Variants in SEMA7A observed in about 807,000 individuals in gnomAD.
The protein encoded by SEMA7A is semaphorin-7A.
A neutral mutation model predicts 67.5 loss-of-function variants in SEMA7A; 21 were observed. The observed-to-expected ratio is 0.31, with a 90% CI of 0.22 to 0.45. SEMA7A has a LOEUF of 0.45. Ranked by LOEUF, SEMA7A falls within the 20% of genes least tolerant of loss-of-function variation. The pLI, the probability that SEMA7A is intolerant of heterozygous loss-of-function variation, is 1.00. For missense variants in SEMA7A, 774 were observed against 908.6 expected, an observed-to-expected ratio of 0.85 and a Z score of 1.90; for synonymous variants, 364 against 368.5, an observed-to-expected ratio of 0.99 and a Z score of 0.14.
At chr15:74,417,777 G>A (rs757267102) in intron 4 of SEMA7A, 100 bp downstream of exon 4, 74 of 1,544,114 alleles carry the variant, frequency 4.8e-5, no homozygotes, top group Non-Finnish European at 6.4e-5. Flanking sequence ...CCAGGGCAAG[G>A]CCAGCATTGG....
At position 74,411,929 on chromosome 15, in the gene SEMA7A, G is replaced by A. The variant is rs1275157041; in HGVS notation, c.1378C>T (p.Arg460Cys). ...AFNIMEIQPFRRAAAIQTMSL... is the reference protein window; with the variant it reads ...AFNIMEIQPFCRAAAIQTMSL... The stretch of plus-strand genomic sequence containing the variant: ...ATGGTCTGGATGGCAGCCGCGCGGC[G>A]GAAGGGCTGGATCTCCATGATGTTG... The change falls in exon 11 of 14, where the codon CGC becomes TGC. Residue 460 changes from arginine to cysteine, a missense_variant. By Grantham distance (180) the Arg-to-Cys change is radical (BLOSUM62 -3). Coordinates refer to ENST00000261918, the MANE Select transcript of SEMA7A (RefSeq NM_003612.5). The surrounding 1 kb of genome is among the most constrained non-coding windows in gnomAD (Gnocchi z 4.4). 37 of 1,613,926 alleles carry A rather than the reference G, an allele frequency of 2.3e-5. No individual in the cohort carries two copies. Among genetic ancestry groups the A allele is most frequent in the African/African-American group, 4.0e-5 (3 of 74,940 alleles).
intron 1 of SEMA7A, among the ~76,000 whole-genome samples, chr15:74,422,022 G>A (rs1168215886): frequency 6.6e-6 from 1 of 152,182 alleles, no homozygotes; most frequent in Non-Finnish European, 1.5e-5. Context: ...GACGCAACCT[G>A]AGCAAAGGTG....
intron 1 of SEMA7A, among the ~76,000 whole-genome samples, chr15:74,429,591 G>A (rs1002606058): frequency 9.8e-5 from 15 of 152,328 alleles, no homozygotes; most frequent in African/African-American, 2.4e-4. Context: ...GAACTGTGAC[G>A]GGGCTATGGC....
Position 74,418,890 on chromosome 15 carries a change from C to A in SEMA7A, c.241G>T (p.Glu81Ter), listed in dbSNP as rs769545216. The A allele has an allele frequency of 6.2e-7, 1 of 1,613,834 alleles. No homozygotes were observed. The highest frequency in any genetic ancestry group is 8.5e-7 in the Non-Finnish European group (1 of 1,180,022). Reference protein sequence around the residue: ...QTEPHTVLFHEPGSSSVWVGG... With the variant: ...QTEPHTVLFH ...ACCCACACAGAGGAGCTGCCTGGCT[C>A]GTGGAAAAGCACCGTGTGCGGCTCA... Residue 81 changes from glutamate to a stop codon, truncating the protein, a stop_gained, in exon 2 of 14, where the codon GAG (glutamate) becomes TAG (stop). Transcript: ENST00000261918. LOFTEE classifies it high-confidence loss of function.
chr15:74,416,111 A>G, intron 7 of SEMA7A, 126 bp from the exon 8 acceptor site: 1 of 984,234 alleles, frequency 1.0e-6, no homozygotes, highest in East Asian at 2.5e-5. Context: ...GTGAGGGGCC[A>G]GGACCTGCCG....
Position 74,433,958 on chromosome 15 carries a change from T to G in SEMA7A, c.-40A>C. 1 of 1,233,134 alleles carries G rather than the reference T, an allele frequency of 8.1e-7. No homozygotes were observed. The highest frequency in any genetic ancestry group is 1.0e-6 in the Non-Finnish European group (1 of 989,342). The allele number at this position is 1,233,134 out of a possible 1,614,324, so 76.4% of individuals were successfully genotyped here. On this transcript the variant is annotated 5_prime_UTR_variant, in exon 1 of 14. Transcript: ENST00000261918. ...AGCGACAGCGGCAATCAGCCGAGAC[T>G]GAGCCAGCGCCCGGCCGCAGGCAGA...
intron 1 of SEMA7A, among the ~76,000 whole-genome samples, chr15:74,430,756 T>A (rs942325230): frequency 1.3e-5 from 2 of 152,104 alleles, no homozygotes; most frequent in African/African-American, 4.8e-5. Context: ...CACATCTAAG[T>A]CCCCAAGGGG....
chr15:74,415,813 A>G lies in SEMA7A; in HGVS notation c.974T>C (p.Phe325Ser). 6.2e-7 allele frequency: 1 copy of G among 1,613,142 alleles called. No individual in the cohort carries two copies. Among genetic ancestry groups the G allele is most frequent in the Non-Finnish European group, 8.5e-7 (1 of 1,179,524 alleles). Residue 325 changes from phenylalanine to serine, a missense_variant, in exon 8 of 14, where the codon TTC becomes TCC. By Grantham distance (155) the Phe-to-Ser change is radical (BLOSUM62 -2). This residue lies in a region of SEMA7A where 427 missense variants were observed against 555.4 expected (regional missense o/e 0.77). Coordinates refer to ENST00000261918, the MANE Select transcript of SEMA7A (RefSeq NM_003612.5). The part of the protein sequence containing the change: ...QWRDTRVYGV[F>S]SNPWNYSAVC... ...AAGGGCCACTCACCAGGGGTTGGAG[A>G]AAACACCATAGACCCTGGTGTCCCT...
At chr15:74,417,845 C>G (rs1186439812) in intron 4 of SEMA7A, 32 bp downstream of exon 4, 1 of 1,609,242 alleles carries the variant, frequency 6.2e-7, no homozygotes, top group Non-Finnish European at 8.5e-7. Flanking sequence ...AGAAGGTGAG[C>G]TGATCAGGCA....
At chr15:74,420,921 G>A (rs2060995111) in intron 1 of SEMA7A, among the ~76,000 whole-genome samples, 1 of 152,222 alleles carries the variant, frequency 6.6e-6, no homozygotes, top group South Asian at 2.1e-4. Flanking sequence ...GGGAGTCAAA[G>A]CAGAAAAGTT....
In SEMA7A at chr15:74,411,408, A is replaced by AC; in HGVS notation, c.1578-53dup. ...CAGCAGATACAAGGCTGCAGACCTG[A>AC]CCCTCCTATCCTTACCCCAGTGCAG... On this transcript the variant is annotated intron_variant, in intron 12 of 13. Transcript: ENST00000261918. This position sits in a 1 kb window ranked among gnomAD's most constrained non-coding sequence, Gnocchi z 4.4. The AC allele has an allele frequency of 6.2e-7, 1 of 1,600,034 alleles. No individual in the cohort carries two copies. Among genetic ancestry groups the AC allele is most frequent in the African/African-American group, 1.3e-5 (1 of 74,726 alleles).
chr15:74,416,758 C>T (rs763929125), intron 6 of SEMA7A, 44 bp from the exon 7 acceptor site: 3 of 1,600,586 alleles, frequency 1.9e-6, no homozygotes, highest in Admixed American at 3.4e-5. Flanking sequence ...GGGAAGCTTG[C>T]CCGGGAGACC....
intron 1 of SEMA7A, 24 bp downstream of exon 1, chr15:74,433,717 G>T: frequency 1.4e-6 from 2 of 1,417,736 alleles, no homozygotes; most frequent in South Asian, 1.5e-5. Context: ...TCCCGCGCCT[G>T]ACCGGCCGCG....
chr15:74,433,671 G>A (rs1046414134), intron 1 of SEMA7A, 70 bp downstream of exon 1: 3 of 1,354,444 alleles, frequency 2.2e-6, no homozygotes, highest in Non-Finnish European at 2.8e-6. Context: ...CCCTCCGGGT[G>A]CAGCACACTC....
At chr15:74,413,975 G>A (rs2060923478) in intron 10 of SEMA7A, among the ~76,000 whole-genome samples, 1 of 152,164 alleles carries the variant, frequency 6.6e-6, no homozygotes. Flanking sequence ...ATCTCCCACG[G>A]CATTCCACCC....
Position 74,411,490 on chromosome 15 carries a change from C to A in SEMA7A, c.1577+66G>T. On this transcript the variant is annotated intron_variant, in intron 12 of 13. Transcript: ENST00000261918. This position sits in a 1 kb window ranked among gnomAD's most constrained non-coding sequence, Gnocchi z 4.4. ...GCCCAGTACCGCCACCTCCTCCAGC[C>A]CGACAACACCTCCCCCTCTCCCATG... The A allele has an allele frequency of 6.5e-6, 10 of 1,543,826 alleles. No individual in the cohort carries two copies. The South Asian group carries it at 1.3e-4, about 19-fold the overall frequency.
Position 74,417,858 on chromosome 15 carries a change from T to G in SEMA7A, c.465+19A>C. 3 of 1,612,896 alleles carry G rather than the reference T, an allele frequency of 1.9e-6. No individual in the cohort carries two copies. Among genetic ancestry groups the G allele is most frequent in the Non-Finnish European group, 2.5e-6 (3 of 1,179,592 alleles). ...GTAGAAGGTGAGCTGATCAGGCACA[T>G]GGGGAGCAGCCTTCTCACCAGGTTC... On this transcript the variant is annotated intron_variant, in intron 4 of 13. Transcript: ENST00000261918.
chr15:74,433,829 C>A lies in SEMA7A; in HGVS notation c.90G>T (p.Arg30=). 3 of 1,360,554 alleles carry A rather than the reference C, an allele frequency of 2.2e-6. No homozygotes were observed. The highest frequency in any genetic ancestry group is 2.8e-6 in the Non-Finnish European group (3 of 1,061,412). 84.3% of individuals were successfully genotyped at this position (1,360,554 alleles called of 1,614,324 possible). Residue 30 remains arginine (R), a synonymous_variant, in exon 1 of 14, where the codon CGG becomes CGT. Transcript: ENST00000261918. ...GPPARLGLPL[R]LRLLLLLWAA... ...CCCAGAGCAGCAGCAGCAGCCGCAGCCGCAGCGGAAGCCCCAACCGAGCCG... is the reference window on the plus strand; with the variant it reads ...CCCAGAGCAGCAGCAGCAGCCGCAGACGCAGCGGAAGCCCCAACCGAGCCG...
Position 74,414,750 on chromosome 15 carries a change from G to C in SEMA7A, c.1096-5C>G. ...CGGCTGCTGGTCTGGGAGGCACTGG[G>C]CAAGGAGAGCAGGCCCAGGTCAGTG... is the stretch of plus-strand genomic sequence containing the variant. On this transcript the variant is annotated splice_polypyrimidine_tract_variant and splice_region_variant and intron_variant, in intron 9 of 13. Coordinates refer to ENST00000261918, the MANE Select transcript of SEMA7A (RefSeq NM_003612.5). The surrounding 1 kb of genome is among the most constrained non-coding windows in gnomAD (Gnocchi z 4.1). 1 of 1,614,146 alleles carries C rather than the reference G, an allele frequency of 6.2e-7. No homozygotes were observed. Among genetic ancestry groups the C allele is most frequent in the Non-Finnish European group, 8.5e-7 (1 of 1,180,046 alleles).
Sources: gnomAD v4.1 joint callset for allele counts (sites outside exome capture counted in the v4.1 genomes callset) on GRCh38, gnomAD v4.1.1 for gene constraint, gnomAD v4.1.1 regional missense constraint, Gnocchi (gnomAD v3.1) non-coding constraint, MANE v1.5 for transcripts, NCBI Gene and HGNC (gene_info 2026-07-23, HGNC 2026-07-21) for gene names.